Variants in ZNF507 observed in about 807,000 individuals in gnomAD.
ZNF507 encodes zinc finger protein 507.
A neutral mutation model predicts 80.0 loss-of-function variants in ZNF507; 29 were observed. The ratio of observed to expected loss-of-function variants is 0.36; its 90% CI spans 0.27 to 0.49. The LOEUF is 0.49. ZNF507 is among the 20% of genes least tolerant of loss of function. ZNF507 has a pLI of 0.98. For synonymous variants in ZNF507, 462 were observed against 422.5 expected, an observed-to-expected ratio of 1.09 and a Z score of -1.15; for missense variants, 1,081 against 1,152.2, an observed-to-expected ratio of 0.94 and a Z score of 0.90.
intron 5 of ZNF507, among the ~76,000 whole-genome samples, chr19:32,376,393 G>C (rs924439326): frequency 6.6e-6 from 1 of 152,084 alleles, no homozygotes; most frequent in African/African-American, 2.4e-5. Context: ...TCCAATAAAA[G>C]AACTGGAGAA....
chr19:32,383,111 A>G lies in ZNF507; in HGVS notation c.*28A>G, dbSNP rs1466346530. ...GGAATAATGACTCGAGCAGGAAAGC[A>G]GTAGAAGAGGATTCCTTCACCACAG... On this transcript the variant is annotated 3_prime_UTR_variant, in exon 7 of 7. Transcript: ENST00000355898. 1 of 1,593,510 alleles carries G rather than the reference A, an allele frequency of 6.3e-7. No individual in the cohort carries two copies. Among genetic ancestry groups the G allele is most frequent in the Non-Finnish European group, 8.6e-7 (1 of 1,167,158 alleles).
At chr19:32,380,355 CAAAAA>C (rs994679479) in intron 5 of ZNF507, among the ~76,000 whole-genome samples, 1 of 146,136 alleles carries the variant, frequency 6.8e-6, no homozygotes, top group African/African-American at 2.5e-5. Flanking sequence ...GACCCTGTCT[CAAAAA>C]AAAAAGAACT....
At chr19:32,376,275 C>G (rs1410469488) in intron 5 of ZNF507, among the ~76,000 whole-genome samples, 1 of 150,722 alleles carries the variant, frequency 6.6e-6, no homozygotes, top group Admixed American at 6.6e-5. Flanking sequence ...CTTTTTTTTC[C>G]TATATATTTC....
At chr19:32,375,286 C>A (rs577633062) in intron 5 of ZNF507, among the ~76,000 whole-genome samples, 64 of 152,298 alleles carry the variant, frequency 4.2e-4, no homozygotes, top group African/African-American at 1.5e-3. Flanking sequence ...GCTGGACAAC[C>A]TGCAGTGCCC....
intron 5 of ZNF507, among the ~76,000 whole-genome samples, chr19:32,369,541 G>A (rs867860180): frequency 4.6e-5 from 7 of 152,274 alleles, no homozygotes; most frequent in South Asian, 2.1e-4. Context: ...TTTACCCTAC[G>A]TGGAAATATG....
intron 5 of ZNF507, among the ~76,000 whole-genome samples, chr19:32,366,616 A>G (rs919917287): frequency 6.6e-6 from 1 of 152,216 alleles, no homozygotes; most frequent in Non-Finnish European, 1.5e-5. Flanking sequence ...GTGAATAGAC[A>G]TTTGAGTTAT....
chr19:32,346,846 C>T (rs1264410275), intron 1 of ZNF507, among the ~76,000 whole-genome samples: 4 of 152,082 alleles, frequency 2.6e-5, no homozygotes, highest in African/African-American at 9.7e-5. Flanking sequence ...TGTTTTTCTG[C>T]CTATTGTGCT....
intron 4 of ZNF507, chr19:32,359,285 C>T (rs1381647220): frequency 6.6e-6 from 1 of 152,128 alleles, no homozygotes; most frequent in Non-Finnish European, 1.5e-5. Context: ...TAGTTATTAG[C>T]AAAAGAAAAT....
rs1967096356 is a variant in ZNF507, at chr19:32,346,252, T to G, written c.-97+469T>G. Among the ~76,000 whole-genome samples the G allele has an allele frequency of 2.0e-5, 3 of 152,108 alleles. No individual in the cohort carries two copies. The South Asian group carries it at 6.2e-4, about 32-fold the overall frequency. On this transcript the variant is annotated intron_variant, in intron 1 of 6. Coordinates refer to ENST00000355898, the MANE Select transcript of ZNF507 (RefSeq NM_001136156.2). ...GAAACGCAGCCCTGGTCTTCTGCAT[T>G]TATTACCATCCTCTGGAGATAGAAT...
intron 2 of ZNF507, among the ~76,000 whole-genome samples, chr19:32,350,184 C>T (rs1008620929): frequency 6.8e-6 from 1 of 146,444 alleles, no homozygotes. Flanking sequence ...ACTTTATTAT[C>T]AGCTGTTTAT....
intron 4 of ZNF507, chr19:32,358,552 G>A (rs979468579): frequency 3.3e-5 from 5 of 152,222 alleles, no homozygotes; most frequent in African/African-American, 1.2e-4. Flanking sequence ...AAGACAGAAC[G>A]AGGCTGATGG....
intron 5 of ZNF507, among the ~76,000 whole-genome samples, chr19:32,380,775 TA>T (rs1326447310): frequency 6.6e-6 from 1 of 152,214 alleles, no homozygotes; most frequent in Non-Finnish European, 1.5e-5. Context: ...TGACAACTTT[TA>T]TCCTTATAAA....
At chr19:32,346,452 G>A (rs1967098455) in intron 1 of ZNF507, among the ~76,000 whole-genome samples, 1 of 152,178 alleles carries the variant, frequency 6.6e-6, no homozygotes, top group African/African-American at 2.4e-5. Context: ...TTTGCTATCA[G>A]TCTGCATCGC....
In ZNF507 at chr19:32,383,902, T is replaced by C. The variant is rs1016834135; in HGVS notation, c.*819T>C. The stretch of plus-strand genomic sequence containing the variant: ...CTTGGCATACTTTCTCCATAGTACG[T>C]AGACCTTCTAATACTCTGCTAAATG... On this transcript the variant is annotated 3_prime_UTR_variant, in exon 7 of 7. Transcript: ENST00000355898. 6.6e-6 allele frequency: 1 copy of C among 152,240 alleles called. No individual in the cohort carries two copies. The highest frequency in any genetic ancestry group is 1.5e-5 in the Non-Finnish European group (1 of 68,042). The allele number at this position is 152,240 out of a possible 1,614,324, so 9.4% of individuals were successfully genotyped here.
In ZNF507 at chr19:32,354,936, T is replaced by G. The variant is rs754537960; in HGVS notation, c.2106T>G (p.Cys702Trp). 2.5e-6 allele frequency: 4 copies of G among 1,608,560 alleles called. No individual in the cohort carries two copies. Among genetic ancestry groups the G allele is most frequent in the Non-Finnish European group, 2.5e-6 (3 of 1,176,976 alleles). The stretch of plus-strand genomic sequence containing the variant: ...CAAGAATATACCAGTGCAAGCAGTG[T>G]GAAGAATCCTTCCATTATAAGGTAA... Reference protein sequence around the residue: ...CKTRIYQCKQCEESFHYKSQL... With the variant: ...CKTRIYQCKQWEESFHYKSQL... The change falls in exon 3 of 7, where the codon TGT becomes TGG. Residue 702 changes from cysteine to tryptophan, a missense_variant. Physicochemically the swap from Cys to Trp is radical, Grantham distance 215. Transcript: ENST00000355898.
chr19:32,354,078 G>A lies in ZNF507; in HGVS notation c.1248G>A (p.Met416Ile), dbSNP rs1967212696. Residue 416 changes from methionine to isoleucine, a missense_variant, in exon 3 of 7, where the codon ATG becomes ATA. This residue lies in a region of ZNF507 where 614 missense variants were observed against 583.9 expected (regional missense o/e 1.05). Transcript: ENST00000355898. The part of the protein sequence containing the change: ...EETLSQKRFL[M>I]NTEMEEGKDL... ...CCCTTTCACAGAAGCGCTTCCTCAT[G>A]AACACTGAAATGGAAGAAGGGAAGG... The A allele has an allele frequency of 6.2e-7, 1 of 1,613,886 alleles. No homozygotes were observed. The highest frequency in any genetic ancestry group is 8.5e-7 in the Non-Finnish European group (1 of 1,180,030).
intron 5 of ZNF507, among the ~76,000 whole-genome samples, chr19:32,365,719 T>C (rs897320069): frequency 1.3e-5 from 2 of 152,174 alleles, no homozygotes; most frequent in African/African-American, 4.8e-5. Context: ...AGTTTCTTTT[T>C]AACCATAAGG....
Position 32,385,173 on chromosome 19 carries a change from A to G in ZNF507, c.*2090A>G, listed in dbSNP as rs892437064. ...TAATGAAAAGCATCCCCAAAATTTC[A>G]ATGATGTGAATTTTTAAATTACCTT... On this transcript the variant is annotated 3_prime_UTR_variant, in exon 7 of 7. Coordinates refer to ENST00000355898, the MANE Select transcript of ZNF507 (RefSeq NM_001136156.2). The G allele has an allele frequency of 3.3e-5, 5 of 152,172 alleles. No individual in the cohort carries two copies. Among genetic ancestry groups the G allele is most frequent in the African/African-American group, 1.2e-4 (5 of 41,438 alleles). 9.4% of individuals were successfully genotyped at this position (152,172 alleles called of 1,614,324 possible).
intron 3 of ZNF507, 85 bp downstream of exon 3, chr19:32,355,042 C>A: frequency 7.7e-7 from 1 of 1,301,030 alleles, no homozygotes; most frequent in Non-Finnish European, 1.0e-6. Context: ...CCAATCACCT[C>A]ATTTTATAGA....
Sources: allele counts gnomAD v4.1 joint callset (sites outside exome capture counted in the v4.1 genomes callset), GRCh38; gene constraint gnomAD v4.1.1; regional missense constraint gnomAD v4.1.1; transcripts MANE v1.5; gene names NCBI Gene and HGNC (gene_info 2026-07-23, HGNC 2026-07-21).